Variants in MYO6 observed in about 807,000 individuals in gnomAD.
MYO6 encodes unconventional myosin-VI.
A neutral mutation model predicts 178.7 loss-of-function variants in MYO6; 74 were observed. The ratio of observed to expected loss-of-function variants is 0.41; its 90% confidence interval spans 0.34 to 0.50. MYO6 has a LOEUF of 0.50. MYO6 is among the 20% of genes least tolerant of loss of function. The pLI, the probability that MYO6 is intolerant of heterozygous loss-of-function variation, is 0.09. For synonymous variants in MYO6, 477 were observed against 504.6 expected (o/e 0.95, Z 0.73); for missense variants, 1,330 against 1,547.4 (o/e 0.86, Z 2.36).
At chr6:75,900,425 A>G in intron 30 of MYO6, among the ~76,000 whole-genome samples, 1 of 152,180 alleles carries the variant, frequency 6.6e-6, no homozygotes, top group African/African-American at 2.4e-5. Context: ...AATGATTGCC[A>G]TTCTAACTGA....
chr6:75,887,009 C>T lies in MYO6; in HGVS notation c.2658+15C>T, dbSNP rs1778486346. On this transcript the variant is annotated intron_variant, in intron 25 of 34. Transcript: ENST00000369977. ...CCAAAATTAAGGTATGTAATTTCAA[C>T]CCGAATGACTTTGACTTTTTATGTA... is the stretch of plus-strand genomic sequence containing the variant. 6 of 1,606,708 alleles carry T rather than the reference C, an allele frequency of 3.7e-6. No individual in the cohort carries two copies. Among genetic ancestry groups the T allele is most frequent in the East Asian group, 2.2e-5 (1 of 44,760 alleles).
At position 75,861,102 on chromosome 6, in the gene MYO6, GT is replaced by G. The variant is rs1329209841; in HGVS notation, c.1546+13del. 2.5e-6 allele frequency: 4 copies of G among 1,594,754 alleles called. No homozygotes were observed. The highest frequency in any genetic ancestry group is 4.6e-5 in the East Asian group (2 of 43,500). ...GATAATCAGGACTGTATAGGTATGT[GT>G]TTTTTAACTCCACCTTTGAAAAATA... On this transcript the variant is annotated splice_region_variant and intron_variant, in intron 15 of 34. Coordinates refer to ENST00000369977, the MANE Select transcript of MYO6 (RefSeq NM_004999.4).
chr6:75,805,395 A>G (rs1368851399), intron 1 of MYO6, among the ~76,000 whole-genome samples: 2 of 152,150 alleles, frequency 1.3e-5, no homozygotes, highest in South Asian at 4.1e-4. Context: ...GAATCTGCCT[A>G]TTCTGCCTGT....
intron 1 of MYO6, among the ~76,000 whole-genome samples, chr6:75,754,739 A>G (rs565452445): frequency 8.5e-5 from 13 of 152,100 alleles, no homozygotes; most frequent in Non-Finnish European, 1.2e-4. Context: ...GAAGAGTTGC[A>G]GAGATATGAA....
chr6:75,884,669 TGGTA>T (rs66885112), intron 23 of MYO6, among the ~76,000 whole-genome samples: 19,701 of 152,096 alleles, frequency 0.13, 1,342 homozygotes, highest in Non-Finnish European at 0.15. Flanking sequence ...AAGGATAATT[TGGTA>T]GGTAGGGGCT....
At chr6:75,788,612 A>G (rs2150077733) in intron 1 of MYO6, among the ~76,000 whole-genome samples, 1 of 152,280 alleles carries the variant, frequency 6.6e-6, no homozygotes, top group Non-Finnish European at 1.5e-5. Flanking sequence ...TAATTTTTGT[A>G]TTTTTGGTAG....
chr6:75,797,616 C>T (rs548712161), intron 1 of MYO6, among the ~76,000 whole-genome samples: 7 of 152,194 alleles, frequency 4.6e-5, no homozygotes, highest in African/African-American at 1.7e-4. Context: ...TCAGTGCAAC[C>T]TCCACCTTCT....
intron 30 of MYO6, among the ~76,000 whole-genome samples, chr6:75,902,692 A>AT (rs1461670672): frequency 6.6e-6 from 1 of 151,592 alleles, no homozygotes; most frequent in African/African-American, 2.4e-5. Flanking sequence ...GGATTCATTA[A>AT]TTTTTTGAAG....
chr6:75,796,774 C>G (rs1206050797), intron 1 of MYO6, among the ~76,000 whole-genome samples: 8 of 151,662 alleles, frequency 5.3e-5, no homozygotes, highest in Non-Finnish European at 1.5e-5. Context: ...GGCATTGGCT[C>G]CCATCTTTAT....
chr6:75,794,914 A>G lies in MYO6; in HGVS notation c.-47-22587A>G, dbSNP rs151263229. ...TGAAGAAAAAAAGGCTTAAGCCTTC[A>G]ATGCAAAGAAATTCATCCTTCATGA... On this transcript the variant is annotated intron_variant, in intron 1 of 34. Coordinates refer to ENST00000369977, the MANE Select transcript of MYO6 (RefSeq NM_004999.4). 2.1e-3 allele frequency among the ~76,000 whole-genome samples: 326 copies of G among 152,342 alleles called. 2 individuals are homozygous for G. Among genetic ancestry groups the G allele is most frequent in the South Asian group, 5.2e-3 (25 of 4,830 alleles).
In MYO6 at chr6:75,859,067, G is replaced by A. The variant is rs542637616; in HGVS notation, c.1473+74G>A. The A allele has an allele frequency of 2.4e-5, 24 of 1,010,688 alleles. No homozygotes were observed. In the African/African-American group the frequency reaches 3.7e-4, roughly 15 times the overall value. 62.6% of individuals were successfully genotyped at this position (1,010,688 alleles called of 1,614,324 possible). ...AATTTTAAGGAAGAGATATGCTGCA[G>A]TTACCCTGATTGGTGTGGATGGATG... On this transcript the variant is annotated intron_variant, in intron 14 of 34. Transcript: ENST00000369977.
intron 13 of MYO6, among the ~76,000 whole-genome samples, chr6:75,857,598 C>CA (rs1562253850): frequency 6.6e-6 from 1 of 151,944 alleles, no homozygotes; most frequent in Admixed American, 6.6e-5. Flanking sequence ...GATTAAATAA[C>CA]AAAAAAAGAT....
intron 1 of MYO6, among the ~76,000 whole-genome samples, chr6:75,766,744 G>A (rs1193793075): frequency 6.6e-6 from 1 of 152,102 alleles, no homozygotes; most frequent in Non-Finnish European, 1.5e-5. Context: ...CAATTTATGT[G>A]TTATTGTATG....
rs773586065 is a variant in MYO6 at position 75,870,700 on chromosome 6, A to C, written c.1983+15A>C. 2 of 1,607,048 alleles carry C rather than the reference A, an allele frequency of 1.2e-6. No homozygotes were observed. Among genetic ancestry groups the C allele is most frequent in the African/African-American group, 2.7e-5 (2 of 74,784 alleles). The stretch of plus-strand genomic sequence containing the variant: ...TTCGAAGTACTGTGAGTATGCTTAA[A>C]AAGAAAACAGGTTTTTATGGGTCAT... On this transcript the variant is annotated intron_variant, in intron 19 of 34. Transcript: ENST00000369977.
chr6:75,863,989 A>ATT (rs1249856096), intron 16 of MYO6, among the ~76,000 whole-genome samples: 1 of 152,174 alleles, frequency 6.6e-6, no homozygotes, highest in Non-Finnish European at 1.5e-5. Context: ...TGGCTAGCAC[A>ATT]GACAATGTGC....
chr6:75,781,896 C>T (rs2842544), intron 1 of MYO6, among the ~76,000 whole-genome samples: 44,943 of 128,266 alleles, frequency 0.35, 8,419 homozygotes, highest in Admixed American at 0.53. Context: ...CCAGCCTGAG[C>T]GACTGAGCAA....
At chr6:75,820,052 AG>A (rs1417034163) in intron 2 of MYO6, among the ~76,000 whole-genome samples, 4 of 152,224 alleles carry the variant, frequency 2.6e-5, no homozygotes, top group African/African-American at 9.6e-5. Context: ...TCAAAAAAAA[AG>A]AAAGCTATTT....
chr6:75,853,015 A>C (rs186286454), intron 11 of MYO6, among the ~76,000 whole-genome samples: 3 of 152,278 alleles, frequency 2.0e-5, no homozygotes. Context: ...TACTATGTGT[A>C]TGCTTATAGC....
rs560412320 is a variant in MYO6 at position 75,911,710 on chromosome 6, G to A, written c.3439+12G>A. On this transcript the variant is annotated intron_variant, in intron 33 of 34. Coordinates refer to ENST00000369977, the MANE Select transcript of MYO6 (RefSeq NM_004999.4). ...TTTGAACAATTCACGTAAGTCAATG[G>A]GTGGTAACTCATGAGCTAACTGGAA... is the stretch of plus-strand genomic sequence containing the variant. The A allele has an allele frequency of 1.2e-6, 2 of 1,609,720 alleles. No homozygotes were observed. The highest frequency in any genetic ancestry group is 3.3e-5 in the Admixed American group (2 of 59,928).
Sources: gnomAD v4.1 joint callset for allele counts (sites outside exome capture counted in the v4.1 genomes callset) on GRCh38, gnomAD v4.1.1 for gene constraint, MANE v1.5 for transcripts, NCBI Gene and HGNC (gene_info 2026-07-23, HGNC 2026-07-21) for gene names.